Variants in ZNF407 observed in about 807,000 individuals in gnomAD.
The protein encoded by ZNF407 is zinc finger protein 407.
A neutral mutation model predicts 131.2 loss-of-function variants in ZNF407; 17 were observed. The ratio of observed to expected loss-of-function variants is 0.13; its 90% CI spans 0.09 to 0.19. ZNF407 has a LOEUF of 0.19. ZNF407 is among the 10% of genes least tolerant of loss of function. The probability of loss-of-function intolerance (pLI) is 1.00; values close to 1 mark genes in which losing one functional copy is unlikely to be tolerated. For synonymous variants in ZNF407, 1,156 were observed against 1,062.0 expected (o/e 1.09, Z -1.72); for missense variants, 2,681 against 2,830.6 (o/e 0.95, Z 1.20).
intron 3 of ZNF407, among the ~76,000 whole-genome samples, chr18:74,658,750 G>A (rs1181644516): frequency 6.6e-6 from 1 of 152,228 alleles, no homozygotes; most frequent in African/African-American, 2.4e-5. Flanking sequence ...ATTTAGGAGT[G>A]TCTGACTTGG....
chr18:74,612,998 CA>C (rs1231929034), intron 1 of ZNF407, among the ~76,000 whole-genome samples: 1 of 152,144 alleles, frequency 6.6e-6, no homozygotes, highest in Non-Finnish European at 1.5e-5. Flanking sequence ...TTTAAACTAG[CA>C]TACATGACTT....
At chr18:74,867,322 A>G (rs1050931518) in intron 4 of ZNF407, among the ~76,000 whole-genome samples, 6 of 152,192 alleles carry the variant, frequency 3.9e-5, no homozygotes, top group African/African-American at 1.4e-4. Flanking sequence ...ACCTGGCACG[A>G]ATTGCTGGCA....
At chr18:74,844,771 G>C (rs1401367307) in intron 4 of ZNF407, among the ~76,000 whole-genome samples, 1 of 152,160 alleles carries the variant, frequency 6.6e-6, no homozygotes. Flanking sequence ...TTAAGGTCCT[G>C]TCCTAGGGAA....
In ZNF407 at chr18:74,635,556, C is replaced by T; in HGVS notation, c.4537C>T (p.Leu1513=). 6.2e-7 allele frequency: 1 copy of T among 1,613,762 alleles called. No homozygotes were observed. Among genetic ancestry groups the T allele is most frequent in the Non-Finnish European group, 8.5e-7 (1 of 1,179,796 alleles). The part of the protein sequence containing the change: ...LHIKGQHEEL[L]REVNKYIVED... ...TATTAAAGGACAGCATGAGGAATTG[C>T]TGCGGGAGGTGAATAAGTATATAGT... Residue 1513 remains leucine (L), a synonymous_variant, in exon 2 of 9, where the codon CTG becomes TTG. Coordinates refer to ENST00000299687, the MANE Select transcript of ZNF407 (RefSeq NM_017757.3). This position sits in a 1 kb window ranked among gnomAD's most constrained non-coding sequence, Gnocchi z 4.7.
Position 74,917,049 on chromosome 18 carries a change from A to G in ZNF407, c.5250-3465A>G, listed in dbSNP as rs375145860. ...TGGCAGGAAGAAGGGTGACAACGGCACGAGAGTTCTTTTTTGTTTGTTTTT... is the reference window on the plus strand; with the variant it reads ...TGGCAGGAAGAAGGGTGACAACGGCGCGAGAGTTCTTTTTTGTTTGTTTTT... On this transcript the variant is annotated intron_variant, in intron 7 of 8. Transcript: ENST00000299687. Among the ~76,000 whole-genome samples, 3 of 152,190 alleles carry G rather than the reference A, an allele frequency of 2.0e-5. No homozygotes were observed. In the South Asian group the frequency reaches 6.2e-4, roughly 32 times the overall value.
At position 74,782,019 on chromosome 18, in the gene ZNF407, T is replaced by C. The variant is rs564851784; in HGVS notation, c.4877+517T>C. 9.2e-5 allele frequency among the ~76,000 whole-genome samples: 14 copies of C among 152,364 alleles called. No individual in the cohort carries two copies. In the East Asian group the frequency reaches 2.5e-3, roughly 27 times the overall value. On this transcript the variant is annotated intron_variant, in intron 4 of 8. Coordinates refer to ENST00000299687, the MANE Select transcript of ZNF407 (RefSeq NM_017757.3). The stretch of plus-strand genomic sequence containing the variant: ...TCATCAACTGCCAGGTTTTCTTTTT[T>C]CTTGCTTCTGTATCATAATTAGCTT...
intron 3 of ZNF407, among the ~76,000 whole-genome samples, chr18:74,670,518 C>T (rs1986100895): frequency 6.6e-6 from 1 of 152,096 alleles, no homozygotes; most frequent in Non-Finnish European, 1.5e-5. Flanking sequence ...ATACATGGTT[C>T]TTCTAAGTAG....
At position 75,063,220 on chromosome 18, in the gene ZNF407, C is replaced by G; in HGVS notation, c.5499C>G (p.Pro1833=). Residue 1833 remains proline, a synonymous_variant, in exon 9 of 9, where the codon CCC becomes CCG. Coordinates refer to ENST00000299687, the MANE Select transcript of ZNF407 (RefSeq NM_017757.3). This position sits in a 1 kb window ranked among gnomAD's most constrained non-coding sequence, Gnocchi z 6.6. The part of the protein sequence containing the change: ...QGATFVETDS[P]FTAAALAEEP... ...CCACCTTCGTGGAGACAGACAGCCC[C>G]TTCACCGCGGCGGCCTTGGCAGAAG... 6.2e-7 allele frequency: 1 copy of G among 1,613,244 alleles called. No homozygotes were observed. The highest frequency in any genetic ancestry group is 1.1e-5 in the South Asian group (1 of 91,012).
chr18:74,973,807 G>A (rs12969580), intron 8 of ZNF407, among the ~76,000 whole-genome samples: 2,851 of 152,204 alleles, frequency 0.019, 48 homozygotes, highest in South Asian at 0.047. Flanking sequence ...TTGTGGCAGC[G>A]TAACTCCAGT....
chr18:74,991,663 A>G (rs1437496277), intron 8 of ZNF407, among the ~76,000 whole-genome samples: 1 of 152,206 alleles, frequency 6.6e-6, no homozygotes, highest in Non-Finnish European at 1.5e-5. Flanking sequence ...TTCCATATAT[A>G]TTATGAAATA....
intron 4 of ZNF407, among the ~76,000 whole-genome samples, chr18:74,848,912 G>A (rs1197137190): frequency 2.0e-5 from 3 of 152,136 alleles, no homozygotes; most frequent in Non-Finnish European, 2.9e-5. Flanking sequence ...ATATTAGATT[G>A]TCATCAAAGT....
intron 6 of ZNF407, among the ~76,000 whole-genome samples, chr18:74,888,258 T>A (rs1971337526): frequency 6.6e-6 from 1 of 151,724 alleles, no homozygotes. Flanking sequence ...AACAGGGGAG[T>A]GAGGTATTCT....
chr18:74,938,556 G>A (rs746809453), intron 8 of ZNF407, among the ~76,000 whole-genome samples: 6 of 151,686 alleles, frequency 4.0e-5, no homozygotes, highest in Non-Finnish European at 7.4e-5. Context: ...GTACCACTTC[G>A]TTGGTACCTT....
intron 8 of ZNF407, among the ~76,000 whole-genome samples, chr18:74,963,448 C>T (rs933228243): frequency 2.0e-5 from 3 of 152,168 alleles, no homozygotes; most frequent in South Asian, 2.1e-4. Context: ...GTAATCCTTA[C>T]GCCCTTGTTA....
At chr18:74,941,783 A>G (rs1465303261) in intron 8 of ZNF407, among the ~76,000 whole-genome samples, 1 of 152,206 alleles carries the variant, frequency 6.6e-6, no homozygotes, top group African/African-American at 2.4e-5. Context: ...AAGTCTCCAA[A>G]ATAAAGGAAA....
chr18:74,678,232 G>A (rs1226310562), intron 3 of ZNF407, among the ~76,000 whole-genome samples: 1 of 152,116 alleles, frequency 6.6e-6, no homozygotes, highest in Non-Finnish European at 1.5e-5. Flanking sequence ...AAGTAGCTGG[G>A]GGTATTAGCA....
intron 8 of ZNF407, among the ~76,000 whole-genome samples, chr18:74,994,051 C>T (rs920219778): frequency 6.6e-6 from 1 of 152,170 alleles, no homozygotes; most frequent in African/African-American, 2.4e-5. Context: ...CTATAAACCA[C>T]ATTGTTGGAA....
rs144882656 is a variant in ZNF407 at position 74,964,295 on chromosome 18, C to T, written c.5428+43603C>T. Among the ~76,000 whole-genome samples, 6 of 152,318 alleles carry T rather than the reference C, an allele frequency of 3.9e-5. No homozygotes were observed. In the East Asian group the frequency reaches 1.2e-3, roughly 29 times the overall value. On this transcript the variant is annotated intron_variant, in intron 8 of 8. Coordinates refer to ENST00000299687, the MANE Select transcript of ZNF407 (RefSeq NM_017757.3). ...TGTTATAGGGGTAGGTAGCAATGCA[C>T]ACTGTACCCATATGCACATGCATCT...
intron 4 of ZNF407, among the ~76,000 whole-genome samples, chr18:74,810,523 AATACTCTGTTTCC>A (rs1219564565): frequency 6.6e-6 from 1 of 152,168 alleles, no homozygotes; most frequent in Admixed American, 6.5e-5. Flanking sequence ...GATTTGATAA[AATACTCTGTTTCC>A]ACTCAAGTAA....
Sources: gnomAD v4.1 joint callset for allele counts (sites outside exome capture counted in the v4.1 genomes callset) on GRCh38, gnomAD v4.1.1 for gene constraint, Gnocchi (gnomAD v3.1) non-coding constraint, MANE v1.5 for transcripts, NCBI Gene and HGNC (gene_info 2026-07-23, HGNC 2026-07-21) for gene names.